The following TENM3 variants were observed in gnomAD, a reference collection of about 807,000 sequenced individuals.
The protein encoded by TENM3 is teneurin transmembrane protein 3.
Under a neutral mutation model 255.1 loss-of-function variants are expected in TENM3, and 63 were observed. The observed-to-expected ratio is 0.25, with a 90% CI of 0.20 to 0.30. TENM3 has a LOEUF of 0.30. Among genes scored for constraint, TENM3 ranks in the 10% least tolerant of loss-of-function variants. TENM3 has a pLI of 1.00. For missense variants in TENM3, 2,929 were observed against 3,461.1 expected (o/e 0.85, Z 3.86); for synonymous variants, 1,306 against 1,322.3 (o/e 0.99, Z 0.27).
the TENM3 span, among the ~76,000 whole-genome samples, chr4:182,137,344 A>C: frequency 0.43 from 61,804 of 143,298 alleles, 12,756 homozygotes; most frequent in East Asian, 0.49. Context: ...CCCCCCCCCC[A>C]AAAAGGAATG....
intron 3 of TENM3, among the ~76,000 whole-genome samples, chr4:182,416,143 A>T (rs1027467452): frequency 2.0e-5 from 3 of 152,154 alleles, no homozygotes; most frequent in African/African-American, 7.2e-5. Flanking sequence ...CTTAATTCAC[A>T]CACCAAGATA....
the TENM3 span, among the ~76,000 whole-genome samples, chr4:181,668,553 T>G: frequency 6.6e-6 from 1 of 152,130 alleles, no homozygotes; most frequent in East Asian, 1.9e-4. Context: ...AGCACAACTC[T>G]TAATATTTAC....
chr4:181,555,911 T>G, the TENM3 span, among the ~76,000 whole-genome samples: 1 of 152,210 alleles, frequency 6.6e-6, no homozygotes, highest in African/African-American at 2.4e-5. Context: ...AGCTTGGCAG[T>G]GAACCTAGAA....
At chr4:182,345,244 G>A (rs1198586009) in intron 2 of TENM3, among the ~76,000 whole-genome samples, 1 of 152,144 alleles carries the variant, frequency 6.6e-6, no homozygotes, top group Admixed American at 6.5e-5. Context: ...AGCCTGGAGG[G>A]TGCTAATATC....
At chr4:181,511,526 G>T in the TENM3 span, among the ~76,000 whole-genome samples, 2 of 152,172 alleles carry the variant, frequency 1.3e-5, no homozygotes, top group African/African-American at 4.8e-5. Context: ...TGGGTTCACA[G>T]GCTGCCCTCT....
At chr4:182,164,697 C>T (rs965644897) in intron 1 of TENM3, among the ~76,000 whole-genome samples, 3 of 152,148 alleles carry the variant, frequency 2.0e-5, no homozygotes, top group South Asian at 2.1e-4. Context: ...GTTTGTTTTG[C>T]TCCCTTTTGT....
chr4:182,389,003 T>A (rs1452684508), intron 3 of TENM3, among the ~76,000 whole-genome samples: 1 of 152,164 alleles, frequency 6.6e-6, no homozygotes, highest in Non-Finnish European at 1.5e-5. Flanking sequence ...ATAACTGAAA[T>A]TTCAAACATA....
chr4:182,331,518 G>C (rs1763754341), intron 2 of TENM3, among the ~76,000 whole-genome samples: 1 of 136,416 alleles, frequency 7.3e-6, no homozygotes, highest in South Asian at 2.5e-4. Context: ...CTGCACTCCA[G>C]CCTGGGTGAC....
At chr4:182,373,700 G>A (rs1377896038) in intron 3 of TENM3, among the ~76,000 whole-genome samples, 2 of 152,048 alleles carry the variant, frequency 1.3e-5, no homozygotes, top group African/African-American at 4.8e-5. Context: ...ATTTAAAGGG[G>A]ACAAATATCC....
At chr4:181,843,533 A>C in the TENM3 span, among the ~76,000 whole-genome samples, 4 of 152,166 alleles carry the variant, frequency 2.6e-5, no homozygotes, top group African/African-American at 9.7e-5. Context: ...TGTTGTCTGC[A>C]GAATGAAGAA....
At chr4:181,983,241 A>G in the TENM3 span, among the ~76,000 whole-genome samples, 1 of 152,274 alleles carries the variant, frequency 6.6e-6, no homozygotes, top group East Asian at 1.9e-4. Flanking sequence ...TGCATGTTAC[A>G]TGCCCAGCAC....
intron 22 of TENM3, among the ~76,000 whole-genome samples, chr4:182,757,450 G>A (rs1195968789): frequency 1.3e-5 from 2 of 151,988 alleles, no homozygotes; most frequent in Non-Finnish European, 2.9e-5. Flanking sequence ...TGCTCTCCGG[G>A]CCATTTTTGA....
intron 3 of TENM3, among the ~76,000 whole-genome samples, chr4:182,495,053 C>T (rs1213320704): frequency 2.6e-5 from 4 of 152,132 alleles, no homozygotes; most frequent in Non-Finnish European, 5.9e-5. Flanking sequence ...TTGAAGGAAA[C>T]CTGGGCAAGG....
the TENM3 span, among the ~76,000 whole-genome samples, chr4:182,137,338 C>CGG: frequency 6.9e-6 from 1 of 145,206 alleles, no homozygotes; most frequent in Admixed American, 6.9e-5. Context: ...CCACCTCCCC[C>CGG]CCCCCAAAAA....
At chr4:182,010,308 A>T in the TENM3 span, among the ~76,000 whole-genome samples, 5 of 152,230 alleles carry the variant, frequency 3.3e-5, no homozygotes, top group African/African-American at 1.2e-4. Context: ...ATCTGCATGC[A>T]TACATATATA....
chr4:182,318,117 A>C (rs1463451076), intron 1 of TENM3, among the ~76,000 whole-genome samples: 1 of 152,192 alleles, frequency 6.6e-6, no homozygotes, highest in Non-Finnish European at 1.5e-5. Flanking sequence ...AGGACACTAT[A>C]TAGAGATATC....
chr4:182,361,486 A>T (rs1765974822), intron 3 of TENM3, among the ~76,000 whole-genome samples: 1 of 151,984 alleles, frequency 6.6e-6, no homozygotes, highest in Non-Finnish European at 1.5e-5. Context: ...TCTATCCCTG[A>T]TACCCTTTCT....
chr4:182,426,195 G>A (rs1324305220), intron 3 of TENM3, among the ~76,000 whole-genome samples: 2 of 152,020 alleles, frequency 1.3e-5, no homozygotes, highest in African/African-American at 4.8e-5. Context: ...TGTGGATACT[G>A]TGCAATATTC....
At chr4:181,994,006 A>T in the TENM3 span, among the ~76,000 whole-genome samples, 1 of 152,150 alleles carries the variant, frequency 6.6e-6, no homozygotes, top group African/African-American at 2.4e-5. Context: ...AAGTTTGTAT[A>T]CATGTCTTTA....
Sources: gnomAD v4.1 joint callset for allele counts (sites outside exome capture counted in the v4.1 genomes callset) on GRCh38, gnomAD v4.1.1 for gene constraint, MANE v1.5 for transcripts, NCBI Gene and HGNC (gene_info 2026-07-23, HGNC 2026-07-21) for gene names.